Variants in EPHA5 observed in about 807,000 individuals in gnomAD.
EPHA5 encodes the protein ephrin type-A receptor 5.
A neutral mutation model predicts 105.0 loss-of-function variants in EPHA5; 60 were observed. The observed-to-expected ratio is 0.57, with a 90% CI of 0.46 to 0.71. EPHA5 has a LOEUF of 0.71. Among genes scored for constraint, EPHA5 ranks in the 30% least tolerant of loss-of-function variants. The probability of loss-of-function intolerance (pLI) is 0.00; values close to 1 mark genes in which losing one functional copy is unlikely to be tolerated. For missense variants in EPHA5, 1,218 were observed against 1,274.7 expected (o/e 0.96, Z 0.68); for synonymous variants, 513 against 449.1 (o/e 1.14, Z -1.80).
rs73824278 is a variant in EPHA5, at chr4:65,321,063, T to C, written c.*3051A>G. 0.012 allele frequency: 2,830 copies of C among 230,492 alleles called. 77 individuals carry two copies. The highest frequency in any genetic ancestry group is 0.058 in the African/African-American group (2,631 of 45,218). The allele number at this position is 230,492 out of a possible 1,614,324, so 14.3% of individuals were successfully genotyped here. A position where few individuals can be genotyped will look rare whatever the true frequency, so the allele number is the denominator to read the frequency against. On this transcript the variant is annotated 3_prime_UTR_variant, in exon 17 of 17. Transcript: ENST00000613740. ...TAGTATATATGAGCAAATGACAAGATTAGAAACAAATTATGATAGGTCAAA... is the reference window on the plus strand; with the variant it reads ...TAGTATATATGAGCAAATGACAAGACTAGAAACAAATTATGATAGGTCAAA...
intron 5 of EPHA5, among the ~76,000 whole-genome samples, chr4:65,427,952 ATATAT>A (rs1308716933): frequency 3.3e-5 from 5 of 152,136 alleles, no homozygotes; most frequent in Admixed American, 3.3e-4. Flanking sequence ...CACAGACTAC[ATATAT>A]ATTTTTAAAT....
chr4:65,562,153 A>C (rs1208685329), intron 3 of EPHA5, among the ~76,000 whole-genome samples: 1 of 152,102 alleles, frequency 6.6e-6, no homozygotes, highest in Non-Finnish European at 1.5e-5. Context: ...TAGGCATGTT[A>C]TTTATGCTAC....
chr4:65,485,410 A>G (rs76467191), intron 5 of EPHA5, among the ~76,000 whole-genome samples: 14,721 of 152,056 alleles, frequency 0.097, 798 homozygotes, highest in East Asian at 0.18. Context: ...GGTCAGTAAC[A>G]TTATTATAAC....
intron 5 of EPHA5, among the ~76,000 whole-genome samples, chr4:65,444,561 T>G (rs1726333514): frequency 6.6e-6 from 1 of 152,164 alleles, no homozygotes; most frequent in Non-Finnish European, 1.5e-5. Context: ...ACAGGTGAAG[T>G]GATTGGCTCA....
Position 65,669,591 on chromosome 4 carries a change from C to G in EPHA5, c.152G>C (p.Arg51Pro), listed in dbSNP as rs1750276446. The G allele has an allele frequency of 7.0e-7, 1 of 1,432,114 alleles. No homozygotes were observed. Among genetic ancestry groups the G allele is most frequent in the South Asian group, 1.6e-5 (1 of 61,334 alleles). 88.7% of individuals were successfully genotyped at this position (1,432,114 alleles called of 1,614,324 possible). The change falls in exon 1 of 17, where the codon CGG becomes CCG. Residue 51 changes from arginine (R) to proline (P), a missense_variant. Physicochemically the swap from Arg to Pro is moderately radical, Grantham distance 103. This residue lies in a region of EPHA5 where 233 missense variants were observed against 227.5 expected (regional missense o/e 1.02). Coordinates refer to ENST00000613740, the MANE Select transcript of EPHA5 (RefSeq NM_001281766.3). ...WTCLLLCAAL[R>P]TLLASPSNEV... is the part of the protein sequence containing the mutation. ...GTTGCTGGGGCTGGCCAGGAGGGTC[C>G]GGAGTGCGGCGCACAGGAGAAGGCA...
chr4:65,564,247 G>C (rs1739304684), intron 3 of EPHA5, among the ~76,000 whole-genome samples: 1 of 151,758 alleles, frequency 6.6e-6, no homozygotes, highest in Admixed American at 6.6e-5. Context: ...CTAAATCAAA[G>C]TACCCATAGG....
chr4:65,532,213 G>C (rs894256273), intron 3 of EPHA5, among the ~76,000 whole-genome samples: 1 of 151,960 alleles, frequency 6.6e-6, no homozygotes, highest in African/African-American at 2.4e-5. Context: ...AAGTAGAAAA[G>C]CTTTCCCTTA....
intron 8 of EPHA5, among the ~76,000 whole-genome samples, chr4:65,401,780 A>G (rs1224523901): frequency 6.6e-6 from 1 of 152,014 alleles, no homozygotes; most frequent in East Asian, 2.0e-4. Context: ...TGGATTTGGC[A>G]GAAAATTAAG....
At chr4:65,649,410 A>G (rs986480973) in intron 1 of EPHA5, among the ~76,000 whole-genome samples, 2 of 152,186 alleles carry the variant, frequency 1.3e-5, no homozygotes, top group Non-Finnish European at 2.9e-5. Flanking sequence ...CTTGAGAAAA[A>G]CTGCACAACC....
intron 3 of EPHA5, among the ~76,000 whole-genome samples, chr4:65,539,959 G>A (rs1736660928): frequency 6.6e-6 from 1 of 151,136 alleles, no homozygotes; most frequent in Admixed American, 6.6e-5. Context: ...AATGATTTTG[G>A]AAAGCCATTC....
intron 5 of EPHA5, among the ~76,000 whole-genome samples, chr4:65,483,643 A>T (rs572273757): frequency 1.3e-5 from 2 of 152,274 alleles, no homozygotes; most frequent in East Asian, 1.9e-4. Flanking sequence ...ACCAAAAAAA[A>T]TTTGCGTAAG....
chr4:65,619,870 T>G (rs776893494), intron 2 of EPHA5, among the ~76,000 whole-genome samples: 70 of 151,724 alleles, frequency 4.6e-4, no homozygotes, highest in Non-Finnish European at 8.3e-4. Context: ...TTCCTTATAT[T>G]TCTTTCTAAA....
chr4:65,577,066 A>G (rs759482839), intron 3 of EPHA5, among the ~76,000 whole-genome samples: 2 of 152,216 alleles, frequency 1.3e-5, no homozygotes, highest in Non-Finnish European at 1.5e-5. Flanking sequence ...TTACATGTGC[A>G]CTTTACTTCC....
intron 16 of EPHA5, chr4:65,331,658 T>C: frequency 3.6e-6 from 4 of 1,110,244 alleles, no homozygotes; most frequent in Non-Finnish European, 4.4e-6. Context: ...ATAACATAGA[T>C]ACCAGTATAA....
chr4:65,340,006 T>C (rs903291628), intron 14 of EPHA5, among the ~76,000 whole-genome samples: 1 of 152,198 alleles, frequency 6.6e-6, no homozygotes. Flanking sequence ...TTGTACTTCA[T>C]GAAGTGCTGA....
intron 5 of EPHA5, among the ~76,000 whole-genome samples, chr4:65,466,632 G>A (rs1020612047): frequency 5.3e-5 from 8 of 152,330 alleles, no homozygotes; most frequent in Non-Finnish European, 4.4e-5. Flanking sequence ...CAAGGTGTTA[G>A]CAATGGAATG....
chr4:65,614,890 A>G (rs1028025236), intron 2 of EPHA5, among the ~76,000 whole-genome samples: 1 of 151,874 alleles, frequency 6.6e-6, no homozygotes, highest in Non-Finnish European at 1.5e-5. Flanking sequence ...GATCAAAAAG[A>G]AAGTACTAAT....
At chr4:65,463,892 C>A (rs1401122623) in intron 5 of EPHA5, among the ~76,000 whole-genome samples, 2 of 152,076 alleles carry the variant, frequency 1.3e-5, no homozygotes, top group African/African-American at 2.4e-5. Context: ...TAGTGTAGAC[C>A]TCAAAGCTGA....
chr4:65,444,178 C>T (rs1159855490), intron 5 of EPHA5, among the ~76,000 whole-genome samples: 1 of 152,098 alleles, frequency 6.6e-6, no homozygotes, highest in African/African-American at 2.4e-5. Context: ...AACTTAAATT[C>T]CAGTTCTGCC....
Sources: allele counts gnomAD v4.1 joint callset (sites outside exome capture counted in the v4.1 genomes callset), GRCh38; gene constraint gnomAD v4.1.1; regional missense constraint gnomAD v4.1.1; transcripts MANE v1.5; gene names NCBI Gene and HGNC (gene_info 2026-07-23, HGNC 2026-07-21).